The following ZNF385D variants were observed in gnomAD, a reference collection of about 807,000 sequenced individuals.
ZNF385D encodes the protein zinc finger protein 385D.
A neutral mutation model predicts 35.8 loss-of-function variants in ZNF385D; 15 were observed. That is an observed-to-expected ratio of 0.42 (90% CI 0.28 to 0.64). The LOEUF is 0.64. Among genes scored for constraint, ZNF385D ranks in the 30% least tolerant of loss-of-function variants. The pLI is 0.23. For synonymous variants in ZNF385D, 212 were observed against 186.8 expected (o/e 1.13, Z -1.10); for missense variants, 474 against 494.6 (o/e 0.96, Z 0.39).
intron 3 of ZNF385D, among the ~76,000 whole-genome samples, chr3:21,893,067 A>G (rs73820172): frequency 0.016 from 2,447 of 152,256 alleles, 66 homozygotes; most frequent in African/African-American, 0.056. Context: ...GGTAAATAGG[A>G]CTAGCCTGAA....
chr3:21,460,063 T>C (rs1484130012), intron 4 of ZNF385D, among the ~76,000 whole-genome samples: 1 of 152,210 alleles, frequency 6.6e-6, no homozygotes, highest in Non-Finnish European at 1.5e-5. Context: ...TTACTCTGAA[T>C]GTTAAGCTTG....
intron 1 of ZNF385D, among the ~76,000 whole-genome samples, chr3:21,675,076 T>C (rs903909094): frequency 6.6e-6 from 1 of 151,966 alleles, no homozygotes; most frequent in South Asian, 2.1e-4. Flanking sequence ...AGCAGCTTCT[T>C]TGAAGAACTA....
At chr3:22,056,429 A>C (rs910248249) in intron 3 of ZNF385D, among the ~76,000 whole-genome samples, 7 of 152,192 alleles carry the variant, frequency 4.6e-5, no homozygotes, top group African/African-American at 1.7e-4. Flanking sequence ...AATTCCATCA[A>C]GGATCATTTA....
chr3:21,422,226 T>C (rs1192736608), intron 7 of ZNF385D, among the ~76,000 whole-genome samples: 1 of 152,202 alleles, frequency 6.6e-6, no homozygotes, highest in Non-Finnish European at 1.5e-5. Flanking sequence ...CACTTGATTG[T>C]CAAAAGCTGC....
intron 3 of ZNF385D, among the ~76,000 whole-genome samples, chr3:21,999,328 T>A (rs962721468): frequency 2.1e-5 from 3 of 144,420 alleles, no homozygotes; most frequent in South Asian, 4.2e-4. Context: ...AAAACAAAAA[T>A]TTTTTTTTTT....
intron 4 of ZNF385D, among the ~76,000 whole-genome samples, chr3:21,485,462 C>T (rs1019843631): frequency 6.6e-6 from 1 of 152,130 alleles, no homozygotes; most frequent in African/African-American, 2.4e-5. Flanking sequence ...TGATTCTTAC[C>T]TTTCTGGCAC....
At position 21,766,735 on chromosome 3, in the gene ZNF385D, T is replaced by C. The variant is rs2070846312; in HGVS notation, c.326-101707A>G. Among the ~76,000 whole-genome samples, 3 of 151,988 alleles carry C rather than the reference T, an allele frequency of 2.0e-5. 1 individual carries two copies. ...GAAAGTGAAAAGAAGGTATTTCAGA[T>C]GGAGCAAAGGGAGAATAAGAGGATA... On this transcript the variant is annotated intron_variant, in intron 3 of 5. Transcript: ENST00000494108.
intron 3 of ZNF385D, among the ~76,000 whole-genome samples, chr3:21,782,145 T>C (rs555208318): frequency 3.9e-5 from 6 of 152,250 alleles, no homozygotes; most frequent in African/African-American, 1.2e-4. Context: ...CAATGCTGCA[T>C]TGCTTTTCAT....
At chr3:22,184,521 T>C (rs1332360602) in intron 2 of ZNF385D, among the ~76,000 whole-genome samples, 5 of 152,064 alleles carry the variant, frequency 3.3e-5, no homozygotes, top group Non-Finnish European at 7.4e-5. Flanking sequence ...TTGATGGTAC[T>C]AGATTCAAGG....
intron 2 of ZNF385D, among the ~76,000 whole-genome samples, chr3:22,316,103 A>G (rs1703871487): frequency 6.6e-6 from 1 of 152,146 alleles, no homozygotes; most frequent in African/African-American, 2.4e-5. Flanking sequence ...GTGACTCATA[A>G]CTCAATTGGT....
chr3:22,160,716 G>C (rs535757156), intron 3 of ZNF385D, among the ~76,000 whole-genome samples: 1 of 152,048 alleles, frequency 6.6e-6, no homozygotes, highest in Non-Finnish European at 1.5e-5. Context: ...AAAGACTCTA[G>C]AATACTTGCA....
At chr3:21,494,788 A>G (rs566709099) in intron 4 of ZNF385D, among the ~76,000 whole-genome samples, 1 of 152,192 alleles carries the variant, frequency 6.6e-6, no homozygotes, top group Non-Finnish European at 1.5e-5. Flanking sequence ...CAGAAGCTAC[A>G]TCTCATGACT....
intron 3 of ZNF385D, among the ~76,000 whole-genome samples, chr3:22,078,030 C>A (rs953204647): frequency 3.3e-5 from 5 of 151,890 alleles, no homozygotes; most frequent in Non-Finnish European, 7.4e-5. Flanking sequence ...TATTGGATTT[C>A]AAAACTGAAG....
At chr3:21,727,801 A>T (rs1483112353) in intron 1 of ZNF385D, among the ~76,000 whole-genome samples, 1 of 152,224 alleles carries the variant, frequency 6.6e-6, no homozygotes, top group Non-Finnish European at 1.5e-5. Context: ...TGATCCAGCA[A>T]TCCCATTATT....
At chr3:22,269,997 G>A (rs1396866064) in intron 2 of ZNF385D, among the ~76,000 whole-genome samples, 1 of 151,838 alleles carries the variant, frequency 6.6e-6, no homozygotes, top group Admixed American at 6.6e-5. Context: ...ATGTACGTGT[G>A]ATCATCCAGG....
chr3:22,004,264 C>G (rs1053924447), intron 3 of ZNF385D, among the ~76,000 whole-genome samples: 2 of 152,080 alleles, frequency 1.3e-5, no homozygotes, highest in African/African-American at 4.8e-5. Context: ...ACCCCTATCT[C>G]TCAGCATATT....
At chr3:22,263,919 G>A (rs753910554) in intron 2 of ZNF385D, among the ~76,000 whole-genome samples, 41 of 152,002 alleles carry the variant, frequency 2.7e-4, no homozygotes, top group Admixed American at 2.6e-4. Flanking sequence ...TGTCAAGGAT[G>A]ATAAATTCTG....
chr3:22,167,301 T>A (rs549687069), intron 3 of ZNF385D, among the ~76,000 whole-genome samples: 7 of 152,290 alleles, frequency 4.6e-5, no homozygotes, highest in African/African-American at 1.4e-4. Flanking sequence ...CTTTAGCCTT[T>A]CCTTGCACAC....
chr3:22,237,883 C>T (rs7610511), intron 2 of ZNF385D, among the ~76,000 whole-genome samples: 3,082 of 146,720 alleles, frequency 0.021, 247 homozygotes, highest in African/African-American at 0.075. Context: ...ATCTTGTGAT[C>T]TGCCCGCCAC....
Sources: allele counts gnomAD v4.1 joint callset (sites outside exome capture counted in the v4.1 genomes callset), GRCh38; gene constraint gnomAD v4.1.1; transcripts MANE v1.5; gene names NCBI Gene and HGNC (gene_info 2026-07-23, HGNC 2026-07-21).